The following AMN1 variants were observed in gnomAD, a reference collection of about 807,000 sequenced individuals.
The protein encoded by AMN1 is antagonist of mitotic exit network 1 homolog.
AMN1 carries 20 observed loss-of-function variants against 33.0 expected under a neutral mutation model. That is an observed-to-expected ratio of 0.61 (90% CI 0.43 to 0.88). AMN1 has a LOEUF of 0.88. Ranked by LOEUF, AMN1 falls within the 40% of genes least tolerant of loss-of-function variation. The pLI is 0.00. For synonymous variants in AMN1, 114 were observed against 111.9 expected (o/e 1.02, Z -0.12); for missense variants, 246 against 307.4 (o/e 0.80, Z 1.49).
intron 1 of AMN1, chr12:31,715,366 A>C: frequency 4.6e-6 from 1 of 217,166 alleles, no homozygotes. Flanking sequence ...CATCACCAGG[A>C]TCTCTGGATT....
In AMN1 at chr12:31,709,301, T is replaced by C; in HGVS notation, c.163A>G (p.Ile55Val). 6.2e-7 allele frequency: 1 copy of C among 1,613,642 alleles called. No individual in the cohort carries two copies. Among genetic ancestry groups the C allele is most frequent in the Non-Finnish European group, 8.5e-7 (1 of 1,179,684 alleles). Reference sequence around the variant, plus strand: ...GTTATTCATACTCTTACCTCACTTATATTTGAATCTGTTATCTGTCCCTGC... The same window carrying C: ...GTTATTCATACTCTTACCTCACTTACATTTGAATCTGTTATCTGTCCCTGC... ...SMQGQITDSN[I>V]SEILHPEVQT... Residue 55 changes from isoleucine (I) to valine (V), a missense_variant, in exon 2 of 7, where the codon ATA becomes GTA. Physicochemically the swap from Ile to Val is conservative, Grantham distance 29. Coordinates refer to ENST00000281471, the MANE Select transcript of AMN1 (RefSeq NM_001113402.2).
intron 6 of AMN1, among the ~76,000 whole-genome samples, chr12:31,677,522 T>C (rs1310454299): frequency 6.6e-6 from 1 of 152,222 alleles, no homozygotes; most frequent in Non-Finnish European, 1.5e-5. Flanking sequence ...ATTTCTAAGA[T>C]GTGGGGCAAG....
rs1004610541 is a variant in AMN1, at chr12:31,709,165, A to G, written c.171+128T>C. On this transcript the variant is annotated intron_variant, in intron 2 of 6. Coordinates refer to ENST00000281471, the MANE Select transcript of AMN1 (RefSeq NM_001113402.2). ...ACTCCAGCCTGGGCAACGGAGCATGACCCTGTATAAAAAAAAAAAAATTAA... is the reference window on the plus strand; with the variant it reads ...ACTCCAGCCTGGGCAACGGAGCATGGCCCTGTATAAAAAAAAAAAAATTAA... The G allele has an allele frequency of 6.8e-5, 71 of 1,039,124 alleles. 2 individuals are homozygous for G. The East Asian group carries it at 1.9e-3, about 27-fold the overall frequency. The allele number at this position is 1,039,124 out of a possible 1,614,324, so 64.4% of individuals were successfully genotyped here. A position where few individuals can be genotyped will look rare whatever the true frequency, so the allele number is the denominator to read the frequency against.
chr12:31,685,034 T>G (rs1352700692), intron 6 of AMN1, among the ~76,000 whole-genome samples: 2 of 151,442 alleles, frequency 1.3e-5, no homozygotes, highest in African/African-American at 2.4e-5. Context: ...AATTATTATT[T>G]TTTTTTTTTT....
intron 6 of AMN1, among the ~76,000 whole-genome samples, chr12:31,682,476 T>C (rs1400486138): frequency 7.8e-6 from 1 of 128,138 alleles, no homozygotes; most frequent in African/African-American, 3.0e-5. Flanking sequence ...AGAGGGTGTA[T>C]GTGTCATGAC....
intron 5 of AMN1, among the ~76,000 whole-genome samples, chr12:31,695,933 T>C (rs1938703883): frequency 6.6e-6 from 1 of 152,126 alleles, no homozygotes; most frequent in Non-Finnish European, 1.5e-5. Context: ...TCCATTACAA[T>C]AGTTGGCTTT....
chr12:31,720,704 G>A (rs1592177540), intron 1 of AMN1, among the ~76,000 whole-genome samples: 3 of 152,246 alleles, frequency 2.0e-5, no homozygotes. Context: ...TTAGCATCAT[G>A]TTTTCAAGGT....
chr12:31,688,223 G>A (rs971921795), intron 6 of AMN1, among the ~76,000 whole-genome samples: 3 of 152,110 alleles, frequency 2.0e-5, no homozygotes, highest in Admixed American at 2.0e-4. Flanking sequence ...CAAAGTAATG[G>A]GATTATAGGC....
intron 3 of AMN1, among the ~76,000 whole-genome samples, chr12:31,698,353 C>T (rs1938830308): frequency 6.6e-6 from 1 of 152,192 alleles, no homozygotes; most frequent in Non-Finnish European, 1.5e-5. Flanking sequence ...AAAAGTTAAA[C>T]TGCCCAAATG....
In AMN1 at chr12:31,689,063, A is replaced by G; in HGVS notation, c.647T>C (p.Leu216Pro). The part of the protein sequence containing the change: ...NLTDGAVEAV[L>P]TYCPQIRILL... Reference sequence around the variant, plus strand: ...TATACGTATTTGAGGACAGTAAGTAAGGACAGCTTCGACAGCCCCATCAGT... The same window carrying G: ...TATACGTATTTGAGGACAGTAAGTAGGGACAGCTTCGACAGCCCCATCAGT... Residue 216 changes from leucine (L) to proline (P), a missense_variant, in exon 6 of 7, where the codon CTT becomes CCT. By Grantham distance (98) the Leu-to-Pro change is moderately conservative (BLOSUM62 -3). Transcript: ENST00000281471. 6.2e-7 allele frequency: 1 copy of G among 1,613,760 alleles called. No individual in the cohort carries two copies. The highest frequency in any genetic ancestry group is 1.1e-5 in the South Asian group (1 of 91,050).
chr12:31,723,880 C>T (rs1939967404), intron 1 of AMN1, among the ~76,000 whole-genome samples: 1 of 152,144 alleles, frequency 6.6e-6, no homozygotes, highest in African/African-American at 2.4e-5. Flanking sequence ...CACCAAGTAC[C>T]CCTACAGTGA....
At chr12:31,719,602 C>T (rs1044819392) in intron 1 of AMN1, among the ~76,000 whole-genome samples, 1 of 152,050 alleles carries the variant, frequency 6.6e-6, no homozygotes, top group African/African-American at 2.4e-5. Flanking sequence ...TGGAGAACAT[C>T]AAATGTTGGT....
chr12:31,718,985 G>T (rs1939783211), intron 1 of AMN1, among the ~76,000 whole-genome samples: 2 of 152,258 alleles, frequency 1.3e-5, no homozygotes, highest in South Asian at 4.1e-4. Context: ...GTGGGTATGG[G>T]ACCTGCCAAG....
At chr12:31,722,186 T>C (rs1243235564) in intron 1 of AMN1, among the ~76,000 whole-genome samples, 1 of 150,036 alleles carries the variant, frequency 6.7e-6, no homozygotes, top group African/African-American at 2.5e-5. Flanking sequence ...CCTGGGGCTA[T>C]TGTTAATGTG....
intron 2 of AMN1, among the ~76,000 whole-genome samples, chr12:31,703,091 A>C (rs11051539): frequency 0.64 from 97,700 of 151,874 alleles, 31,827 homozygotes; most frequent in East Asian, 0.87. Flanking sequence ...CCACCACCCC[A>C]CTGCCCGCCC....
chr12:31,683,458 G>A lies in AMN1; in HGVS notation c.703+5549C>T, dbSNP rs987492503. Among the ~76,000 whole-genome samples the A allele has an allele frequency of 1.3e-5, 2 of 152,198 alleles. No homozygotes were observed. Among genetic ancestry groups the A allele is most frequent in the Non-Finnish European group, 2.9e-5 (2 of 68,046 alleles). On this transcript the variant is annotated intron_variant, in intron 6 of 6. Coordinates refer to ENST00000281471, the MANE Select transcript of AMN1 (RefSeq NM_001113402.2). The surrounding 1 kb of genome is among the most constrained non-coding windows in gnomAD (Gnocchi z 4.1). ...AAAGAATGATTGATATGGTTTGACT[G>A]TGTCGCCACCCAAATCTCATCTTGA...
Position 31,672,460 on chromosome 12 carries a change from AATT to A in AMN1, c.704-86_704-84del, listed in dbSNP as rs545750704. 5.9e-5 allele frequency: 56 copies of A among 952,444 alleles called. 1 individual carries two copies. The highest frequency in any genetic ancestry group is 8.6e-5 in the Non-Finnish European group (52 of 606,392). The allele number at this position is 952,444 out of a possible 1,614,324, so 59.0% of individuals were successfully genotyped here. A position where few individuals can be genotyped will look rare whatever the true frequency, so the allele number is the denominator to read the frequency against. On this transcript the variant is annotated intron_variant, in intron 6 of 6. Coordinates refer to ENST00000281471, the MANE Select transcript of AMN1 (RefSeq NM_001113402.2). ...CTCATGTCTAACTGGAGGTGATGTTAATTATTATACAGTTATTTAAAGGATTAA... is the reference window on the plus strand; with the variant it reads ...CTCATGTCTAACTGGAGGTGATGTTAATTATACAGTTATTTAAAGGATTAA...
intron 5 of AMN1, among the ~76,000 whole-genome samples, chr12:31,694,393 G>C (rs1938631455): frequency 7.0e-6 from 1 of 142,576 alleles, no homozygotes; most frequent in Non-Finnish European, 1.5e-5. Context: ...AGTGAGCTGA[G>C]ATCACACTAT....
At chr12:31,700,990 A>AT (rs924032151) in intron 3 of AMN1, among the ~76,000 whole-genome samples, 6 of 137,216 alleles carry the variant, frequency 4.4e-5, no homozygotes, top group Non-Finnish European at 9.4e-5. Context: ...CGCCTGGCCA[A>AT]TTTTTTGTTG....
Sources: allele counts gnomAD v4.1 joint callset (sites outside exome capture counted in the v4.1 genomes callset), GRCh38; gene constraint gnomAD v4.1.1; non-coding constraint Gnocchi (gnomAD v3.1); transcripts MANE v1.5; gene names NCBI Gene and HGNC (gene_info 2026-07-23, HGNC 2026-07-21).